The following NRXN1 variants were observed in gnomAD, a reference collection of about 807,000 sequenced individuals.
The protein encoded by NRXN1 is neurexin 1.
Under a neutral mutation model 150.9 loss-of-function variants are expected in NRXN1, and 39 were observed. The ratio of observed to expected loss-of-function variants is 0.26; its 90% CI spans 0.20 to 0.34. The LOEUF (loss-of-function observed/expected upper bound fraction) is 0.34. NRXN1 is among the 10% of genes least tolerant of loss of function. The pLI is 1.00. For missense variants in NRXN1, 1,815 were observed against 1,949.9 expected, an observed-to-expected ratio of 0.93 and a Z score of 1.30; for synonymous variants, 924 against 757.0, an observed-to-expected ratio of 1.22 and a Z score of -3.62.
chr2:50,510,270 G>A (rs1471126956), intron 12 of NRXN1, among the ~76,000 whole-genome samples: 3 of 151,784 alleles, frequency 2.0e-5, no homozygotes, highest in Admixed American at 6.6e-5. Context: ...GGAGAATCAC[G>A]AGGTCAGGAG....
At chr2:50,818,630 T>C (rs1353710664) in intron 5 of NRXN1, among the ~76,000 whole-genome samples, 1 of 151,964 alleles carries the variant, frequency 6.6e-6, no homozygotes, top group African/African-American at 2.4e-5. Context: ...AATGATTTCC[T>C]GAATACGACA....
At chr2:50,411,090 T>C (rs12328647) in intron 17 of NRXN1, among the ~76,000 whole-genome samples, 26,523 of 150,344 alleles carry the variant, frequency 0.18, 4,206 homozygotes, top group African/African-American at 0.4. Flanking sequence ...CTCCCTCTGA[T>C]GCCGAGCGGA....
chr2:50,987,195 CTACT>C (rs1697853399), intron 2 of NRXN1, among the ~76,000 whole-genome samples: 1 of 151,812 alleles, frequency 6.6e-6, no homozygotes, highest in Non-Finnish European at 1.5e-5. Context: ...CATATGTTGA[CTACT>C]TATTAGTAAA....
At position 50,269,913 on chromosome 2, in the gene NRXN1, T is replaced by A. The variant is rs151154015; in HGVS notation, c.3365-32943A>T. Among the ~76,000 whole-genome samples the A allele has an allele frequency of 2.2e-4, 33 of 152,290 alleles. 1 individual carries two copies. The highest frequency in any genetic ancestry group is 6.7e-4 in the African/African-American group (28 of 41,578). ...TCTATTTCCCTCCATAAGGAATTTA[T>A]AAACTCAGACTTTAAATTCCATTAT... On this transcript the variant is annotated intron_variant, in intron 17 of 22. Transcript: ENST00000401669.
intron 17 of NRXN1, among the ~76,000 whole-genome samples, chr2:50,375,602 A>C (rs1168870015): frequency 6.6e-6 from 1 of 150,756 alleles, no homozygotes; most frequent in Non-Finnish European, 1.5e-5. Context: ...ATCTTTTAAA[A>C]TATCTTTGTA....
intron 2 of NRXN1, among the ~76,000 whole-genome samples, chr2:50,939,866 A>G (rs184155958): frequency 6.6e-6 from 1 of 152,308 alleles, no homozygotes; most frequent in Admixed American, 6.5e-5. Context: ...ATTCATCCAT[A>G]TAGTAGTTAA....
chr2:50,969,941 C>A (rs963954515), intron 2 of NRXN1, among the ~76,000 whole-genome samples: 3 of 151,988 alleles, frequency 2.0e-5, no homozygotes, highest in Admixed American at 2.0e-4. Context: ...TACAGCAGTG[C>A]AGAAAAAAGG....
chr2:50,745,886 C>A (rs1476274981), intron 5 of NRXN1, among the ~76,000 whole-genome samples: 1 of 152,016 alleles, frequency 6.6e-6, no homozygotes, highest in African/African-American at 2.4e-5. Context: ...AACTACAATT[C>A]AAGATGAAAT....
chr2:50,098,850 T>TGG (rs1558874736), intron 18 of NRXN1, among the ~76,000 whole-genome samples: 15 of 15,122 alleles, frequency 9.9e-4, no homozygotes, highest in African/African-American at 2.7e-3. Flanking sequence ...TTTTTTTTTT[T>TGG]TTTTTTTTTT....
At chr2:50,399,809 A>G in intron 17 of NRXN1, among the ~76,000 whole-genome samples, 1 of 21,936 alleles carries the variant, frequency 4.6e-5, no homozygotes, top group Non-Finnish European at 9.1e-5. Flanking sequence ...AAAAAAAAAA[A>G]AAAAAAAAAA....
rs1690275050 is a variant in NRXN1 at position 50,945,891 on chromosome 2, T to TAC, written c.773-19937_773-19936insGT. 1.4e-5 allele frequency among the ~76,000 whole-genome samples: 2 copies of TAC among 143,534 alleles called. 1 individual carries two copies. The highest frequency in any genetic ancestry group is 5.2e-5 in the African/African-American group (2 of 38,354). The allele number at this position is 143,534 out of a possible 152,430, so 94.2% of individuals were successfully genotyped here. On this transcript the variant is annotated intron_variant, in intron 2 of 22. Transcript: ENST00000401669. ...TCAGAAAAACAGATATATATATATA[T>TAC]ATATATATACACACACACACACACA...
chr2:50,242,644 T>A (rs1236643966), intron 17 of NRXN1, among the ~76,000 whole-genome samples: 2 of 151,700 alleles, frequency 1.3e-5, no homozygotes, highest in African/African-American at 4.8e-5. Context: ...TTACAATAAT[T>A]ACTAATATTG....
At chr2:49,956,441 C>G (rs1674959753) in intron 21 of NRXN1, among the ~76,000 whole-genome samples, 1 of 152,140 alleles carries the variant, frequency 6.6e-6, no homozygotes. Flanking sequence ...AATTTGTGCT[C>G]CTTCATTTTT....
intron 5 of NRXN1, among the ~76,000 whole-genome samples, chr2:50,675,564 C>G (rs1361736542): frequency 1.3e-5 from 2 of 152,050 alleles, no homozygotes; most frequent in Non-Finnish European, 2.9e-5. Context: ...TAGAAGATTC[C>G]TTTTGGGACA....
chr2:50,987,451 T>C (rs1243629025), intron 2 of NRXN1, among the ~76,000 whole-genome samples: 1 of 151,912 alleles, frequency 6.6e-6, no homozygotes, highest in African/African-American at 2.4e-5. Context: ...AATTGGAATT[T>C]GTGGTGACAT....
chr2:50,525,395 G>C (rs529456215), intron 12 of NRXN1, among the ~76,000 whole-genome samples: 46 of 152,200 alleles, frequency 3.0e-4, no homozygotes, highest in Non-Finnish European at 5.3e-4. Context: ...CCTTATTAAA[G>C]TATCCTTCAC....
intron 8 of NRXN1, among the ~76,000 whole-genome samples, chr2:50,591,448 T>C (rs996798231): frequency 2.7e-5 from 4 of 145,780 alleles, no homozygotes; most frequent in African/African-American, 5.0e-5. Flanking sequence ...AGATGTATAC[T>C]AGTCAGGCCT....
Position 50,459,056 on chromosome 2 carries a change from T to C in NRXN1, c.3364+6386A>G, listed in dbSNP as rs371321411. Among the ~76,000 whole-genome samples, 28 of 152,212 alleles carry C rather than the reference T, an allele frequency of 1.8e-4. 1 individual carries two copies. In the East Asian group the frequency reaches 4.1e-3, roughly 22 times the overall value. The stretch of plus-strand genomic sequence containing the variant: ...TGTAATCTACATAAATTTTTTGTAG[T>C]TCTTTTTATGCACTAGCTAGGCATA... On this transcript the variant is annotated intron_variant, in intron 17 of 22. Transcript: ENST00000401669.
chr2:50,333,907 G>GT (rs2076991550), intron 17 of NRXN1, among the ~76,000 whole-genome samples: 1 of 152,046 alleles, frequency 6.6e-6, no homozygotes, highest in Non-Finnish European at 1.5e-5. Context: ...GAATGAAATT[G>GT]TGTAAAAACA....
Sources: allele counts gnomAD v4.1 joint callset (sites outside exome capture counted in the v4.1 genomes callset), GRCh38; gene constraint gnomAD v4.1.1; transcripts MANE v1.5; gene names NCBI Gene and HGNC (gene_info 2026-07-23, HGNC 2026-07-21).